PGPEP1L: variants seen among roughly 807,000 people sequenced by gnomAD.
PGPEP1L encodes pyroglutamyl-peptidase 1-like protein.
PGPEP1L carries 7 observed loss-of-function variants against 6.0 expected under a neutral mutation model. The observed-to-expected ratio is 1.17, with a 90% CI of 0.66 to 2.19. PGPEP1L has a LOEUF of 2.19. PGPEP1L is among the 30% of genes most tolerant of loss of function. PGPEP1L has a pLI of 0.00. For missense variants in PGPEP1L, 209 were observed against 192.5 expected (o/e 1.09, Z -0.51); for synonymous variants, 103 against 83.9 (o/e 1.23, Z -1.24).
chr15:99,001,200 G>C, intron 2 of PGPEP1L: 1 of 419,544 alleles, frequency 2.4e-6, no homozygotes, highest in South Asian at 1.7e-5. Context: ...GAGAGTCCGC[G>C]GCTTCATTCT....
intron 2 of PGPEP1L, among the ~76,000 whole-genome samples, chr15:98,975,933 TGAAAA>T (rs146234751): frequency 0.053 from 7,962 of 151,352 alleles, 691 homozygotes; most frequent in African/African-American, 0.18. Context: ...AGAAAAAAAT[TGAAAA>T]GAAAAGATGT....
At chr15:98,977,500 T>A (rs370334820) in intron 2 of PGPEP1L, among the ~76,000 whole-genome samples, 1 of 152,260 alleles carries the variant, frequency 6.6e-6, no homozygotes, top group African/African-American at 2.4e-5. Context: ...TTTCCAGATG[T>A]CTGTTATTGA....
chr15:98,984,392 TAGAAA>T (rs1447824949), intron 2 of PGPEP1L, among the ~76,000 whole-genome samples: 5 of 152,086 alleles, frequency 3.3e-5, no homozygotes, highest in Non-Finnish European at 2.9e-5. Flanking sequence ...TGCAGGAGGA[TAGAAA>T]AGAAAACTAT....
chr15:99,000,300 C>T (rs1429885125), intron 2 of PGPEP1L, among the ~76,000 whole-genome samples: 2 of 152,190 alleles, frequency 1.3e-5, no homozygotes, highest in Non-Finnish European at 2.9e-5. Context: ...CCTCCGTGGG[C>T]TCCTGTGCCA....
intron 2 of PGPEP1L, among the ~76,000 whole-genome samples, chr15:98,977,427 T>TG (rs1172228037): frequency 2.6e-5 from 4 of 152,258 alleles, no homozygotes; most frequent in Non-Finnish European, 5.9e-5. Flanking sequence ...ATTTCCTTTT[T>TG]ATGTCTCCTT....
At chr15:98,985,337 G>A (rs772309136) in intron 2 of PGPEP1L, among the ~76,000 whole-genome samples, 30 of 152,094 alleles carry the variant, frequency 2.0e-4, no homozygotes, top group Non-Finnish European at 2.5e-4. Flanking sequence ...TTAGGGGTTC[G>A]AGACCAGCCT....
chr15:98,972,014 C>T (rs183939466), intron 2 of PGPEP1L, among the ~76,000 whole-genome samples: 1 of 152,108 alleles, frequency 6.6e-6, no homozygotes, highest in African/African-American at 2.4e-5. Flanking sequence ...TTTTATAAGC[C>T]TCATGGTAAT....
intron 2 of PGPEP1L, among the ~76,000 whole-genome samples, chr15:98,982,700 CTTTTTTTTTTTTT>C (rs369749842): frequency 6.1e-4 from 32 of 52,508 alleles, no homozygotes; most frequent in East Asian, 5.0e-3. Flanking sequence ...TTATCTGAGG[CTTTTTTTTTTTTT>C]TTTTTTTTTT....
At chr15:99,006,524 A>G (rs2018066014) in intron 1 of PGPEP1L, among the ~76,000 whole-genome samples, 1 of 152,250 alleles carries the variant, frequency 6.6e-6, no homozygotes, top group African/African-American at 2.4e-5. Context: ...GGAGAATTCT[A>G]TTTAAAAACA....
intron 2 of PGPEP1L, among the ~76,000 whole-genome samples, chr15:98,997,167 A>G (rs1293711748): frequency 6.6e-6 from 1 of 152,182 alleles, no homozygotes; most frequent in African/African-American, 2.4e-5. Context: ...GGAGCCCATG[A>G]AAGCCCCAAG....
intron 2 of PGPEP1L, among the ~76,000 whole-genome samples, chr15:99,004,905 G>A (rs3867500): frequency 0.011 from 1,627 of 151,824 alleles, 17 homozygotes; most frequent in Middle Eastern, 0.027. Flanking sequence ...AGTGGCTCTC[G>A]GGGGGTGCTT....
intron 2 of PGPEP1L, among the ~76,000 whole-genome samples, chr15:98,975,615 T>C (rs1441122271): frequency 1.3e-5 from 2 of 152,214 alleles, no homozygotes; most frequent in Non-Finnish European, 2.9e-5. Context: ...GCATGGTCGC[T>C]CACGCCTGTA....
chr15:98,997,637 G>A (rs2017905797), intron 2 of PGPEP1L, among the ~76,000 whole-genome samples: 1 of 152,184 alleles, frequency 6.6e-6, no homozygotes, highest in Non-Finnish European at 1.5e-5. Flanking sequence ...TGCTTTCTCT[G>A]TGCCCAGGTG....
chr15:98,970,840 T>C (rs1385929820), intron 3 of PGPEP1L, among the ~76,000 whole-genome samples, 196 bp downstream of exon 3: 2 of 152,192 alleles, frequency 1.3e-5, no homozygotes, highest in Non-Finnish European at 2.9e-5. Context: ...TCTATTAAGA[T>C]CTAATCCATA....
chr15:99,002,485 T>TACACAC (rs112853612), intron 2 of PGPEP1L, among the ~76,000 whole-genome samples: 4 of 151,752 alleles, frequency 2.6e-5, no homozygotes, highest in African/African-American at 9.7e-5. Context: ...TAGCTGAAAT[T>TACACAC]ACACACACAC....
intron 2 of PGPEP1L, 45 bp downstream of exon 2, chr15:99,005,384 T>G (rs1596531351): frequency 2.0e-5 from 3 of 152,576 alleles, no homozygotes; most frequent in Admixed American, 1.3e-4. Context: ...AGGGGCAGGC[T>G]AAAAGCAGCA....
chr15:98,982,652 A>G (rs978857771), intron 2 of PGPEP1L, among the ~76,000 whole-genome samples: 2 of 141,832 alleles, frequency 1.4e-5, no homozygotes, highest in African/African-American at 5.2e-5. Context: ...AACTAGAGAG[A>G]TGTCTGAGGT....
chr15:98,999,929 C>G (rs1406568644), intron 2 of PGPEP1L, among the ~76,000 whole-genome samples: 2 of 152,274 alleles, frequency 1.3e-5, no homozygotes, highest in Non-Finnish European at 2.9e-5. Context: ...CCTCCTGTGC[C>G]TGGGCTCCCA....
intron 2 of PGPEP1L, among the ~76,000 whole-genome samples, chr15:98,977,376 CTGATA>C (rs1455585992): frequency 6.6e-6 from 1 of 152,208 alleles, no homozygotes; most frequent in African/African-American, 2.4e-5. Flanking sequence ...AAATTTCCCT[CTGATA>C]TGTTTTAATT....
Sources: allele counts gnomAD v4.1 joint callset (sites outside exome capture counted in the v4.1 genomes callset), GRCh38; gene constraint gnomAD v4.1.1; transcripts MANE v1.5; gene names NCBI Gene and HGNC (gene_info 2026-07-23, HGNC 2026-07-21).